The following DIP2C variants were observed in gnomAD, a reference collection of about 807,000 sequenced individuals.
The protein encoded by DIP2C is disco-interacting protein 2 homolog C.
Under a neutral mutation model 192.4 loss-of-function variants are expected in DIP2C, and 33 were observed. The observed-to-expected ratio is 0.17, with a 90% CI of 0.13 to 0.23. The LOEUF (loss-of-function observed/expected upper bound fraction) is 0.23. Ranked by LOEUF, DIP2C falls within the 10% of genes least tolerant of loss-of-function variation. The pLI is 1.00. For missense variants in DIP2C, 1,537 were observed against 2,110.1 expected, an observed-to-expected ratio of 0.73 and a Z score of 5.32; for synonymous variants, 979 against 864.1, an observed-to-expected ratio of 1.13 and a Z score of -2.33.
At chr10:516,133 C>T (rs535463704) in intron 1 of DIP2C, among the ~76,000 whole-genome samples, 5 of 149,486 alleles carry the variant, frequency 3.3e-5, no homozygotes, top group South Asian at 2.1e-4. Flanking sequence ...GTACCTTTGT[C>T]CTCCATCCTG....
At chr10:294,272 C>T (rs1162962377) in intron 32 of DIP2C, among the ~76,000 whole-genome samples, 1 of 152,062 alleles carries the variant, frequency 6.6e-6, no homozygotes, top group Non-Finnish European at 1.5e-5. Context: ...AACGCTAATC[C>T]CGAGCACAGA....
At chr10:370,405 C>T (rs978497254) in intron 17 of DIP2C, among the ~76,000 whole-genome samples, 1 of 152,210 alleles carries the variant, frequency 6.6e-6, no homozygotes. Context: ...CTCCGGCAGA[C>T]GTCCACACGG....
At chr10:357,360 T>TGCTGCAA (rs1310739250) in intron 23 of DIP2C, among the ~76,000 whole-genome samples, 1 of 152,282 alleles carries the variant, frequency 6.6e-6, no homozygotes, top group African/African-American at 2.4e-5. Flanking sequence ...ACAGAAGCCT[T>TGCTGCAA]GCTGCAAGCT....
chr10:390,507 T>C, intron 11 of DIP2C, 134 bp from the exon 12 acceptor site: 3 of 1,071,834 alleles, frequency 2.8e-6, no homozygotes, highest in Non-Finnish European at 4.1e-6. Flanking sequence ...CTTCACGAGA[T>C]CTAAGACATC....
At chr10:675,997 G>A (rs1437522867) in intron 1 of DIP2C, among the ~76,000 whole-genome samples, 1 of 152,164 alleles carries the variant, frequency 6.6e-6, no homozygotes, top group East Asian at 1.9e-4. Context: ...GATGAACACA[G>A]ATGCAAAAAT....
chr10:310,036 G>A lies in DIP2C; in HGVS notation c.3981C>T (p.His1327=), dbSNP rs200561296. Residue 1327 remains histidine, a synonymous_variant, in exon 32 of 37, where the codon CAC becomes CAT. Coordinates refer to ENST00000280886, the MANE Select transcript of DIP2C (RefSeq NM_014974.3). ...TVYVDMRALR[H]DRVRLVERGS... ...AACCCAGAAGTGTACAGTACCTGTC[G>A]TGTCTCAGGGCTCTCATGTCCACGT... 5.5e-5 allele frequency: 88 copies of A among 1,614,178 alleles called. No homozygotes were observed. The East Asian group carries it at 6.5e-4, about 12-fold the overall frequency.
chr10:489,436 G>C (rs950814312), intron 1 of DIP2C, among the ~76,000 whole-genome samples: 18 of 152,246 alleles, frequency 1.2e-4, no homozygotes, highest in African/African-American at 4.1e-4. Flanking sequence ...GGTGGGAGGT[G>C]AGAGACTGAC....
At chr10:669,882 T>A (rs1397459377) in intron 1 of DIP2C, among the ~76,000 whole-genome samples, 1 of 152,254 alleles carries the variant, frequency 6.6e-6, no homozygotes, top group East Asian at 1.9e-4. Context: ...AAACACACAG[T>A]ACAGAACACT....
At chr10:447,756 G>C (rs1474660069) in intron 3 of DIP2C, among the ~76,000 whole-genome samples, 6 of 111,854 alleles carry the variant, frequency 5.4e-5, no homozygotes, top group Admixed American at 5.0e-4. Flanking sequence ...AGGGCAGCAG[G>C]ACCCACTCAT....
intron 4 of DIP2C, chr10:430,358 C>T (rs1240698938): frequency 6.6e-6 from 1 of 152,174 alleles, no homozygotes; most frequent in Non-Finnish European, 1.5e-5. Context: ...TTCACCCCTC[C>T]CAGGAGGTCG....
intron 1 of DIP2C, among the ~76,000 whole-genome samples, chr10:575,718 CAT>C (rs1174019132): frequency 6.6e-6 from 1 of 152,186 alleles, no homozygotes; most frequent in East Asian, 1.9e-4. Context: ...CAGAGGAAGT[CAT>C]AGGGAGGGCA....
At chr10:359,661 C>T (rs960169623) in intron 22 of DIP2C, among the ~76,000 whole-genome samples, 2 of 152,154 alleles carry the variant, frequency 1.3e-5, no homozygotes, top group Non-Finnish European at 2.9e-5. Context: ...AACAATTGCC[C>T]CTCTGTGATC....
At chr10:627,743 A>T (rs950715722) in intron 1 of DIP2C, among the ~76,000 whole-genome samples, 1 of 152,264 alleles carries the variant, frequency 6.6e-6, no homozygotes, top group Non-Finnish European at 1.5e-5. Context: ...TGCGCCCAAA[A>T]GCTCTGCTCC....
chr10:514,545 G>C (rs575936597), intron 1 of DIP2C, among the ~76,000 whole-genome samples: 2 of 152,184 alleles, frequency 1.3e-5, no homozygotes, highest in African/African-American at 4.8e-5. Context: ...CCGCATGGCC[G>C]TCCGTGTCCC....
At chr10:280,589 C>A (rs1311525466) in intron 36 of DIP2C, among the ~76,000 whole-genome samples, 1 of 152,222 alleles carries the variant, frequency 6.6e-6, no homozygotes, top group East Asian at 1.9e-4. Flanking sequence ...TCTCCGGCAG[C>A]ACCATTGACA....
chr10:327,225 G>C, intron 30 of DIP2C, 49 bp from the exon 31 acceptor site: 1 of 1,579,364 alleles, frequency 6.3e-7, no homozygotes, highest in Non-Finnish European at 8.6e-7. Flanking sequence ...TGTCGAGCTT[G>C]GAGTGAGCCA....
intron 9 of DIP2C, among the ~76,000 whole-genome samples, chr10:400,035 A>G (rs1269635834): frequency 6.6e-6 from 1 of 152,204 alleles, no homozygotes; most frequent in East Asian, 1.9e-4. Flanking sequence ...ATTGGTACCT[A>G]CTAATAGATA....
At chr10:289,164 G>C (rs998137193) in intron 32 of DIP2C, among the ~76,000 whole-genome samples, 3 of 152,162 alleles carry the variant, frequency 2.0e-5, no homozygotes, top group Non-Finnish European at 4.4e-5. Flanking sequence ...GTGCTTGAAG[G>C]CTTGAAGATG....
chr10:461,964 T>C lies in DIP2C; in HGVS notation c.268+10475A>G, dbSNP rs555079792. On this transcript the variant is annotated intron_variant, in intron 3 of 36. Coordinates refer to ENST00000280886, the MANE Select transcript of DIP2C (RefSeq NM_014974.3). ...ATAATGAAATTAAGGCAGAAATAAATAAGTTCTTTGAAACCAATGAGAACA... is the reference window on the plus strand; with the variant it reads ...ATAATGAAATTAAGGCAGAAATAAACAAGTTCTTTGAAACCAATGAGAACA... Among the ~76,000 whole-genome samples the C allele has an allele frequency of 3.3e-5, 5 of 152,148 alleles. No individual in the cohort carries two copies. In the South Asian group the frequency reaches 6.2e-4, roughly 19 times the overall value.
Sources: allele counts gnomAD v4.1 joint callset (sites outside exome capture counted in the v4.1 genomes callset), GRCh38; gene constraint gnomAD v4.1.1; transcripts MANE v1.5; gene names NCBI Gene and HGNC (gene_info 2026-07-23, HGNC 2026-07-21).